The following GUCY1A2 variants were observed in gnomAD, a reference collection of about 807,000 sequenced individuals.
The protein encoded by GUCY1A2 is guanylate cyclase soluble subunit alpha-2.
In GUCY1A2, 27 loss-of-function variants were observed where a neutral mutation model predicts 63.5. The observed-to-expected ratio is 0.43, with a 90% CI of 0.31 to 0.59. GUCY1A2 has a LOEUF of 0.59. Among genes scored for constraint, GUCY1A2 ranks in the 20% least tolerant of loss-of-function variants. The probability of loss-of-function intolerance (pLI) is 0.11; values close to 1 mark genes in which losing one functional copy is unlikely to be tolerated. For missense variants in GUCY1A2, 768 were observed against 913.3 expected, an observed-to-expected ratio of 0.84 and a Z score of 2.05; for synonymous variants, 364 against 343.5, an observed-to-expected ratio of 1.06 and a Z score of -0.66.
chr11:106,751,431 G>A (rs1863879625), intron 6 of GUCY1A2, among the ~76,000 whole-genome samples: 1 of 151,540 alleles, frequency 6.6e-6, no homozygotes, highest in Non-Finnish European at 1.5e-5. Flanking sequence ...TTACTATCAT[G>A]CATCAAATCA....
intron 6 of GUCY1A2, among the ~76,000 whole-genome samples, chr11:106,725,329 C>T (rs572029941): frequency 0.018 from 1,319 of 74,664 alleles, 360 homozygotes; most frequent in Admixed American, 0.11. Context: ...CCCGCCACTA[C>T]GCCCGGCTAA....
At chr11:106,930,305 T>C (rs772375274) in intron 4 of GUCY1A2, among the ~76,000 whole-genome samples, 21 of 152,192 alleles carry the variant, frequency 1.4e-4, no homozygotes, top group Non-Finnish European at 2.6e-4. Flanking sequence ...CAGTCTGAAG[T>C]TGGGAAGTCC....
chr11:106,827,537 A>T (rs1858988269), intron 4 of GUCY1A2: 2 of 1,471,188 alleles, frequency 1.4e-6, no homozygotes, highest in South Asian at 1.1e-5. Context: ...TCACATATCA[A>T]CTTTGGTTTA....
Position 106,684,029 on chromosome 11 carries a change from C to T in GUCY1A2, c.*3520G>A, listed in dbSNP as rs1023803275. The T allele has an allele frequency of 1.2e-4, 24 of 192,250 alleles. No homozygotes were observed. The highest frequency in any genetic ancestry group is 5.1e-4 in the African/African-American group (22 of 43,124). 11.9% of individuals were successfully genotyped at this position (192,250 alleles called of 1,614,324 possible). A position where few individuals can be genotyped will look rare whatever the true frequency, so the allele number is the denominator to read the frequency against. On this transcript the variant is annotated 3_prime_UTR_variant, in exon 8 of 8. Coordinates refer to ENST00000526355, the MANE Select transcript of GUCY1A2 (RefSeq NM_000855.3). Reference sequence around the variant, plus strand: ...TTGCAAAATTAAAAGTCTTGCTCCCCTTGTGAATGAGATTTTGTTTAAGTT... The same window carrying T: ...TTGCAAAATTAAAAGTCTTGCTCCCTTTGTGAATGAGATTTTGTTTAAGTT...
chr11:106,784,599 C>T (rs552337171), intron 5 of GUCY1A2, among the ~76,000 whole-genome samples: 10 of 152,272 alleles, frequency 6.6e-5, no homozygotes, highest in Non-Finnish European at 1.5e-4. Context: ...TTTAATCAGA[C>T]ATTATATTGT....
chr11:106,775,871 C>T (rs954674517), intron 6 of GUCY1A2, among the ~76,000 whole-genome samples: 2 of 152,078 alleles, frequency 1.3e-5, no homozygotes, highest in Non-Finnish European at 2.9e-5. Context: ...TTCTTCATTC[C>T]CAGAGGTAGA....
At chr11:106,887,646 T>C (rs937499840) in intron 4 of GUCY1A2, among the ~76,000 whole-genome samples, 1 of 152,200 alleles carries the variant, frequency 6.6e-6, no homozygotes, top group Admixed American at 6.5e-5. Flanking sequence ...TTGAGTCCCT[T>C]ATTCCTGCCA....
At chr11:106,961,241 C>T (rs1310526988) in intron 3 of GUCY1A2, among the ~76,000 whole-genome samples, 1 of 151,876 alleles carries the variant, frequency 6.6e-6, no homozygotes, top group African/African-American at 2.4e-5. Context: ...CACTCCACTT[C>T]TTAGAGAACG....
rs183848189 is a variant in GUCY1A2, at chr11:106,679,398, A to G, written c.*8151T>C. 2.0e-5 allele frequency: 4 copies of G among 195,292 alleles called. No homozygotes were observed. In the East Asian group the frequency reaches 3.2e-4, roughly 16 times the overall value. 12.1% of individuals were successfully genotyped at this position (195,292 alleles called of 1,614,324 possible). A position where few individuals can be genotyped will look rare whatever the true frequency, so the allele number is the denominator to read the frequency against. ...ACATTTTTCTGCTCTAAAGTTCCAC[A>G]CTTGTTTTGCTAGCAGCCAAACCCA... On this transcript the variant is annotated 3_prime_UTR_variant, in exon 8 of 8. Coordinates refer to ENST00000526355, the MANE Select transcript of GUCY1A2 (RefSeq NM_000855.3).
intron 6 of GUCY1A2, among the ~76,000 whole-genome samples, chr11:106,772,278 T>G (rs1864271412): frequency 6.6e-6 from 1 of 152,142 alleles, no homozygotes; most frequent in Non-Finnish European, 1.5e-5. Context: ...TTTTAGTCAA[T>G]TATTGCTATT....
chr11:106,824,756 A>G (rs1858944720), intron 4 of GUCY1A2: 1 of 1,504,962 alleles, frequency 6.6e-7, no homozygotes, highest in African/African-American at 1.4e-5. Context: ...AAAACTGAAT[A>G]GCTGGATTTT....
chr11:106,894,812 C>A (rs1860023870), intron 4 of GUCY1A2, among the ~76,000 whole-genome samples: 1 of 151,866 alleles, frequency 6.6e-6, no homozygotes. Flanking sequence ...GAGAAAAGAT[C>A]TAAGATCAAT....
At chr11:106,892,973 T>C (rs1418582686) in intron 4 of GUCY1A2, among the ~76,000 whole-genome samples, 1 of 152,070 alleles carries the variant, frequency 6.6e-6, no homozygotes, top group Non-Finnish European at 1.5e-5. Flanking sequence ...ACTAGAAAAG[T>C]GGGGCGGATG....
At chr11:106,819,151 TTAAA>T (rs559071035) in intron 4 of GUCY1A2, among the ~76,000 whole-genome samples, 42 of 152,242 alleles carry the variant, frequency 2.8e-4, no homozygotes, top group African/African-American at 8.4e-4. Flanking sequence ...ATGATAAAAC[TTAAA>T]TGAATGAGAA....
chr11:106,849,358 T>C (rs1180456748), intron 4 of GUCY1A2, among the ~76,000 whole-genome samples: 1 of 149,564 alleles, frequency 6.7e-6, no homozygotes, highest in African/African-American at 2.4e-5. Flanking sequence ...ATATTATATA[T>C]GTAATATATA....
chr11:106,764,972 G>T, intron 6 of GUCY1A2, among the ~76,000 whole-genome samples: 1 of 101,094 alleles, frequency 9.9e-6, no homozygotes, highest in South Asian at 3.5e-4. Context: ...GATTTTTTTG[G>T]GGGGGGGTTG....
intron 4 of GUCY1A2, among the ~76,000 whole-genome samples, chr11:106,892,365 C>T (rs1394559362): frequency 1.3e-5 from 2 of 151,964 alleles, no homozygotes; most frequent in Admixed American, 6.6e-5. Context: ...AATATATTTG[C>T]GGTCATCATC....
At chr11:106,803,726 A>T (rs1858642227) in intron 5 of GUCY1A2, among the ~76,000 whole-genome samples, 1 of 152,238 alleles carries the variant, frequency 6.6e-6, no homozygotes. Flanking sequence ...CAGATGATAA[A>T]ATGAGGCAGA....
rs1047407971 is a variant in GUCY1A2, at chr11:106,675,938, C to T, written c.*11611G>A. 1 of 189,138 alleles carries T rather than the reference C, an allele frequency of 5.3e-6. No individual in the cohort carries two copies. Among genetic ancestry groups the T allele is most frequent in the Non-Finnish European group, 1.1e-5 (1 of 90,168 alleles). The allele number at this position is 189,138 out of a possible 1,614,324, so 11.7% of individuals were successfully genotyped here. On this transcript the variant is annotated 3_prime_UTR_variant, in exon 8 of 8. Coordinates refer to ENST00000526355, the MANE Select transcript of GUCY1A2 (RefSeq NM_000855.3). ...TACTTCATCTGTTAGAATTTAAGAC[C>T]CCTGAGGTACATAACAGAAAAGTCC...
Sources: gnomAD v4.1 joint callset for allele counts (sites outside exome capture counted in the v4.1 genomes callset) on GRCh38, gnomAD v4.1.1 for gene constraint, MANE v1.5 for transcripts, NCBI Gene and HGNC (gene_info 2026-07-23, HGNC 2026-07-21) for gene names.